Variants in HLCS observed in about 807,000 individuals in gnomAD.
HLCS encodes biotin--protein ligase.
A neutral mutation model predicts 75.0 loss-of-function variants in HLCS; 53 were observed. That is an observed-to-expected ratio of 0.71 (90% CI 0.57 to 0.89). The LOEUF (loss-of-function observed/expected upper bound fraction) is 0.89. Ranked by LOEUF, HLCS falls within the 40% of genes least tolerant of loss-of-function variation. The pLI, the probability that HLCS is intolerant of heterozygous loss-of-function variation, is 0.00. For synonymous variants in HLCS, 431 were observed against 428.6 expected (o/e 1.01, Z -0.07); for missense variants, 966 against 1,074.0 (o/e 0.90, Z 1.41).
At position 36,868,149 on chromosome 21, in the gene HLCS, C is replaced by G. The variant is rs114909658; in HGVS notation, c.1892+28711G>C. Among the ~76,000 whole-genome samples the G allele has an allele frequency of 4.4e-3, 501 of 113,046 alleles. 3 individuals are homozygous for G. Among genetic ancestry groups the G allele is most frequent in the African/African-American group, 0.018 (472 of 25,552 alleles). 74.2% of individuals were successfully genotyped at this position (113,046 alleles called of 152,430 possible). On this transcript the variant is annotated intron_variant, in intron 6 of 10. Transcript: ENST00000674895. The stretch of plus-strand genomic sequence containing the variant: ...TGGGCCACAGAGCAAGACCCCATCA[C>G]GAAAGAAAGGAAAAAAGGGAAGGGA...
intron 6 of HLCS, among the ~76,000 whole-genome samples, chr21:36,827,397 C>T (rs937734165): frequency 4.0e-5 from 6 of 151,618 alleles, no homozygotes; most frequent in Non-Finnish European, 1.5e-5. Flanking sequence ...GGTGAAACCC[C>T]GTCTCTACTA....
chr21:36,756,261 A>C (rs560684594), intron 10 of HLCS, among the ~76,000 whole-genome samples: 1 of 151,074 alleles, frequency 6.6e-6, no homozygotes, highest in Non-Finnish European at 1.5e-5. Flanking sequence ...ACACGGTGAA[A>C]CCCCACCTCC....
chr21:36,890,213 C>G (rs192751082), intron 6 of HLCS, among the ~76,000 whole-genome samples: 290 of 152,284 alleles, frequency 1.9e-3, no homozygotes, highest in Non-Finnish European at 2.9e-3. Flanking sequence ...TGTAAATTAC[C>G]CAGTCTTGGG....
At chr21:36,944,445 C>G (rs1466986307) in intron 2 of HLCS, among the ~76,000 whole-genome samples, 2 of 152,146 alleles carry the variant, frequency 1.3e-5, no homozygotes, top group Non-Finnish European at 2.9e-5. Context: ...AGGCAGTTAC[C>G]TAGGTGTATA....
chr21:36,764,521 T>A (rs1555884291), intron 8 of HLCS, among the ~76,000 whole-genome samples: 1 of 151,918 alleles, frequency 6.6e-6, no homozygotes, highest in Non-Finnish European at 1.5e-5. Flanking sequence ...CTGGGCCACA[T>A]GGTGAAACCC....
chr21:36,977,141 A>G (rs1343833988), intron 1 of HLCS, among the ~76,000 whole-genome samples: 3 of 152,078 alleles, frequency 2.0e-5, no homozygotes, highest in Non-Finnish European at 4.4e-5. Flanking sequence ...GTTGACCACT[A>G]GAGAGCGAAG....
At position 36,749,740 on chromosome 21, in the gene HLCS, G is replaced by C. The variant is rs2089311682; in HGVS notation, c.*4506C>G. The C allele has an allele frequency of 6.6e-6, 1 of 152,034 alleles. No homozygotes were observed. Among genetic ancestry groups the C allele is most frequent in the Non-Finnish European group, 1.5e-5 (1 of 68,022 alleles). The allele number at this position is 152,034 out of a possible 1,614,324, so 9.4% of individuals were successfully genotyped here. ...TAAACCGTGATTCTTGAAAGGTGTA[G>C]GTTTGATTACTAGGAGATACCACCG... On this transcript the variant is annotated 3_prime_UTR_variant, in exon 11 of 11. Coordinates refer to ENST00000674895, the MANE Select transcript of HLCS (RefSeq NM_001352514.2).
intron 5 of HLCS, among the ~76,000 whole-genome samples, chr21:36,918,260 CCATT>C (rs1288816042): frequency 5.3e-5 from 8 of 152,174 alleles, no homozygotes; most frequent in South Asian, 2.1e-4. Context: ...AATGCTGCAA[CCATT>C]CATTCAGAGA....
intron 6 of HLCS, among the ~76,000 whole-genome samples, chr21:36,893,808 G>C (rs529747201): frequency 6.6e-6 from 1 of 152,240 alleles, no homozygotes; most frequent in Admixed American, 6.5e-5. Context: ...CCACAGCCCG[G>C]GGGTCGGGGA....
At chr21:36,905,311 A>G (rs1023025452) in intron 5 of HLCS, among the ~76,000 whole-genome samples, 1 of 152,196 alleles carries the variant, frequency 6.6e-6, no homozygotes, top group African/African-American at 2.4e-5. Flanking sequence ...GGTAATCAAG[A>G]GGTAAAACTC....
At chr21:36,823,608 A>AGG (rs67865241) in intron 6 of HLCS, among the ~76,000 whole-genome samples, 5,930 of 75,838 alleles carry the variant, frequency 0.078, 155 homozygotes, top group East Asian at 0.13. Flanking sequence ...TCAAACGTGC[A>AGG]GGGTGTGTGT....
intron 10 of HLCS, among the ~76,000 whole-genome samples, chr21:36,755,969 A>G (rs1160498610): frequency 6.6e-6 from 1 of 152,182 alleles, no homozygotes; most frequent in Non-Finnish European, 1.5e-5. Context: ...GATTAAACCA[A>G]TGTTAAACTC....
intron 5 of HLCS, among the ~76,000 whole-genome samples, chr21:36,901,374 G>T (rs1415611304): frequency 1.3e-5 from 2 of 152,208 alleles, no homozygotes; most frequent in African/African-American, 4.8e-5. Context: ...GACTATGGGT[G>T]ATCATTTAAA....
chr21:36,766,070 T>C (rs2090019850), intron 7 of HLCS, among the ~76,000 whole-genome samples: 1 of 152,228 alleles, frequency 6.6e-6, no homozygotes. Flanking sequence ...GACAGGGTCT[T>C]GCTCTGTTGC....
intron 6 of HLCS, among the ~76,000 whole-genome samples, chr21:36,785,505 G>A (rs952967302): frequency 6.6e-6 from 1 of 152,200 alleles, no homozygotes; most frequent in Admixed American, 6.5e-5. Flanking sequence ...TCGTGCTTCT[G>A]GGTGGGTTCT....
chr21:36,825,520 TA>T (rs2061979947), intron 6 of HLCS, among the ~76,000 whole-genome samples: 1 of 152,128 alleles, frequency 6.6e-6, no homozygotes, highest in Non-Finnish European at 1.5e-5. Flanking sequence ...TCTACGTGAT[TA>T]AAAAAATACA....
At chr21:36,779,007 T>C (rs1226739274) in intron 6 of HLCS, among the ~76,000 whole-genome samples, 2 of 152,118 alleles carry the variant, frequency 1.3e-5, no homozygotes, top group Admixed American at 6.5e-5. Context: ...TTAAAAAAAC[T>C]GGGGCTAAGA....
At chr21:36,780,914 G>C (rs2060507722) in intron 6 of HLCS, among the ~76,000 whole-genome samples, 1 of 151,958 alleles carries the variant, frequency 6.6e-6, no homozygotes, top group African/African-American at 2.4e-5. Flanking sequence ...TATTAGGGCA[G>C]AGTCCCCAGC....
At chr21:36,968,599 T>C (rs1222327992), upstream of HLCS, 1 of 152,212 alleles carries the variant, frequency 6.6e-6, no homozygotes, top group African/African-American at 2.4e-5. Flanking sequence ...AACAAGACCT[T>C]AAAATTGTGT....
Sources: allele counts gnomAD v4.1 joint callset (sites outside exome capture counted in the v4.1 genomes callset), GRCh38; gene constraint gnomAD v4.1.1; transcripts MANE v1.5; gene names NCBI Gene and HGNC (gene_info 2026-07-23, HGNC 2026-07-21).